MACROD2: variants seen among roughly 807,000 people sequenced by gnomAD.
The protein encoded by MACROD2 is mono-ADP ribosylhydrolase 2, also known as ADP-ribose glycohydrolase MACROD2.
A neutral mutation model predicts 70.4 loss-of-function variants in MACROD2; 36 were observed. That is an observed-to-expected ratio of 0.51 (90% CI 0.39 to 0.68). MACROD2 has a LOEUF of 0.68. Among genes scored for constraint, MACROD2 ranks in the 30% least tolerant of loss-of-function variants. The pLI is 0.00. For synonymous variants in MACROD2, 172 were observed against 178.8 expected, an observed-to-expected ratio of 0.96 and a Z score of 0.30; for missense variants, 496 against 538.4, an observed-to-expected ratio of 0.92 and a Z score of 0.78.
chr20:15,203,852 C>G (rs1436583874), intron 5 of MACROD2, among the ~76,000 whole-genome samples: 1 of 152,060 alleles, frequency 6.6e-6, no homozygotes, highest in Admixed American at 6.5e-5. Context: ...AATAATCTCA[C>G]TTCTTCTAAG....
intron 2 of MACROD2, among the ~76,000 whole-genome samples, chr20:14,041,049 A>C (rs1174135862): frequency 1.3e-5 from 2 of 152,216 alleles, no homozygotes; most frequent in Non-Finnish European, 2.9e-5. Context: ...CTCAGGTTTC[A>C]GATTCATAGT....
intron 5 of MACROD2, among the ~76,000 whole-genome samples, chr20:14,902,512 A>G (rs576729490): frequency 2.4e-4 from 37 of 152,288 alleles, no homozygotes; most frequent in African/African-American, 8.9e-4. Context: ...CCCTCCCCAT[A>G]CCACACGAGT....
intron 3 of MACROD2, among the ~76,000 whole-genome samples, chr20:14,338,369 A>G (rs556250552): frequency 6.6e-6 from 1 of 152,184 alleles, no homozygotes; most frequent in Non-Finnish European, 1.5e-5. Context: ...CTCCATCTCC[A>G]ATATATGTAT....
At chr20:14,771,686 T>C (rs1421899009) in intron 5 of MACROD2, among the ~76,000 whole-genome samples, 1 of 147,354 alleles carries the variant, frequency 6.8e-6, no homozygotes, top group African/African-American at 2.5e-5. Context: ...TATATATATT[T>C]AAACATATAT....
chr20:15,950,215 A>G (rs1015677228), intron 12 of MACROD2, among the ~76,000 whole-genome samples: 2 of 152,238 alleles, frequency 1.3e-5, no homozygotes, highest in Admixed American at 1.3e-4. Context: ...GGACTCAAAT[A>G]CACATTAATA....
chr20:15,614,790 A>G (rs1600669554), intron 8 of MACROD2, among the ~76,000 whole-genome samples: 2 of 152,174 alleles, frequency 1.3e-5, no homozygotes, highest in East Asian at 1.9e-4. Flanking sequence ...CATACAGAAT[A>G]ATGGGTGTTA....
intron 8 of MACROD2, among the ~76,000 whole-genome samples, chr20:15,500,518 T>A (rs2047351625): frequency 6.6e-6 from 1 of 152,202 alleles, no homozygotes; most frequent in African/African-American, 2.4e-5. Context: ...TCAGTTTACA[T>A]ATTGTAACAG....
intron 3 of MACROD2, among the ~76,000 whole-genome samples, chr20:14,476,246 A>G (rs1033499407): frequency 1.3e-5 from 2 of 152,202 alleles, no homozygotes; most frequent in Admixed American, 6.5e-5. Context: ...TTAAACAACA[A>G]ATATACTGAG....
chr20:14,014,707 T>C (rs1467210318), intron 2 of MACROD2, among the ~76,000 whole-genome samples: 2 of 152,228 alleles, frequency 1.3e-5, no homozygotes, highest in East Asian at 3.8e-4. Flanking sequence ...TCACTTATCA[T>C]ACCAGTTCCT....
intron 8 of MACROD2, among the ~76,000 whole-genome samples, chr20:15,798,061 T>G (rs934979111): frequency 5.3e-5 from 8 of 152,256 alleles, no homozygotes; most frequent in Non-Finnish European, 1.0e-4. Context: ...ATAGCTGTGT[T>G]TTGCTAAAAC....
intron 6 of MACROD2, among the ~76,000 whole-genome samples, chr20:15,277,359 T>C (rs2077402800): frequency 6.6e-6 from 1 of 152,198 alleles, no homozygotes; most frequent in African/African-American, 2.4e-5. Context: ...GCAAAATAAA[T>C]AAGATCTCTC....
intron 2 of MACROD2, among the ~76,000 whole-genome samples, chr20:14,072,061 GATTA>G (rs1436119908): frequency 2.0e-5 from 3 of 152,218 alleles, no homozygotes; most frequent in African/African-American, 7.2e-5. Flanking sequence ...GAAGATACAT[GATTA>G]ATATCTGCAA....
At chr20:14,121,172 G>A (rs541008527) in intron 3 of MACROD2, among the ~76,000 whole-genome samples, 1 of 152,274 alleles carries the variant, frequency 6.6e-6, no homozygotes, top group Non-Finnish European at 1.5e-5. Flanking sequence ...GATTCTGTCA[G>A]GGGTGCATAG....
At chr20:15,962,092 T>C (rs1383631100) in intron 12 of MACROD2, among the ~76,000 whole-genome samples, 1 of 152,228 alleles carries the variant, frequency 6.6e-6, no homozygotes, top group African/African-American at 2.4e-5. Context: ...TTATGATGAT[T>C]CTTTGTTGAG....
At chr20:14,633,727 C>T (rs781551058) in intron 4 of MACROD2, among the ~76,000 whole-genome samples, 2 of 152,144 alleles carry the variant, frequency 1.3e-5, no homozygotes, top group Admixed American at 6.5e-5. Flanking sequence ...TGTCCTTAAA[C>T]GACCTCCCTC....
At chr20:15,619,557 G>A in intron 8 of MACROD2, 1 of 418,172 alleles carries the variant, frequency 2.4e-6, no homozygotes, top group Non-Finnish European at 4.3e-6. Flanking sequence ...TGGGGATGTG[G>A]TCACCAGTCA....
At chr20:15,564,717 G>A (rs1795540032) in intron 8 of MACROD2, among the ~76,000 whole-genome samples, 1 of 152,134 alleles carries the variant, frequency 6.6e-6, no homozygotes, top group African/African-American at 2.4e-5. Flanking sequence ...CAAGAATGCT[G>A]GAGAGAAGGC....
At chr20:14,090,105 G>C (rs995773721) in intron 3 of MACROD2, among the ~76,000 whole-genome samples, 11 of 152,026 alleles carry the variant, frequency 7.2e-5, no homozygotes, top group Admixed American at 7.2e-4. Context: ...AATTGATATT[G>C]TTACATTACT....
intron 6 of MACROD2, among the ~76,000 whole-genome samples, chr20:15,399,487 G>C (rs2045901837): frequency 6.6e-6 from 1 of 152,134 alleles, no homozygotes; most frequent in African/African-American, 2.4e-5. Context: ...TATCCCTCCT[G>C]TTTCCTCGAG....
Sources: allele counts gnomAD v4.1 joint callset (sites outside exome capture counted in the v4.1 genomes callset), GRCh38; gene constraint gnomAD v4.1.1; transcripts MANE v1.5; gene names NCBI Gene and HGNC (gene_info 2026-07-23, HGNC 2026-07-21).